TEX36: variants seen among roughly 807,000 people sequenced by gnomAD.
TEX36 encodes the protein testis expressed 36.
Under a neutral mutation model 13.6 loss-of-function variants are expected in TEX36, and 12 were observed. The observed-to-expected ratio is 0.88, with a 90% CI of 0.56 to 1.43. TEX36 has a LOEUF of 1.43. Ranked by LOEUF, TEX36 falls within the 40% of genes most tolerant of loss-of-function variation. The pLI, the probability that TEX36 is intolerant of heterozygous loss-of-function variation, is 0.00. For synonymous variants in TEX36, 93 were observed against 83.0 expected (o/e 1.12, Z -0.65); for missense variants, 224 against 228.3 (o/e 0.98, Z 0.12).
chr10:125,578,677 C>T (rs1177087002), intron 3 of TEX36, among the ~76,000 whole-genome samples: 1 of 152,150 alleles, frequency 6.6e-6, no homozygotes, highest in Non-Finnish European at 1.5e-5. Context: ...CATTCTGTGG[C>T]TCTACCTCTA....
intron 2 of TEX36, among the ~76,000 whole-genome samples, chr10:125,661,444 GCCAGTAAGGGTC>G (rs945618891): frequency 6.6e-6 from 1 of 152,174 alleles, no homozygotes; most frequent in African/African-American, 2.4e-5. Context: ...CTGTCATCTG[GCCAGTAAGGGTC>G]CCAGGAGATG....
At chr10:125,581,574 A>G (rs2043356) in intron 3 of TEX36, among the ~76,000 whole-genome samples, 104,821 of 152,004 alleles carry the variant, frequency 0.69, 37,568 homozygotes, top group African/African-American at 0.88. Flanking sequence ...TACTTCTCTC[A>G]GAGTCAGCTT....
chr10:125,613,603 C>T (rs1589754937), intron 3 of TEX36, among the ~76,000 whole-genome samples: 1 of 151,992 alleles, frequency 6.6e-6, no homozygotes, highest in Non-Finnish European at 1.5e-5. Context: ...CTACAAAGGA[C>T]ATGAACTCAT....
In TEX36 at chr10:125,650,383, G is replaced by A. The variant is rs546383080; in HGVS notation, c.264+10638C>T. On this transcript the variant is annotated intron_variant, in intron 3 of 3. Coordinates refer to the TEX36 transcript ENST00000526819. The stretch of plus-strand genomic sequence containing the variant: ...CAACTACATGGAACCTGAACAACCT[G>A]CTCCTGAATGACTACTGGGTACATA... 4.6e-5 allele frequency among the ~76,000 whole-genome samples: 7 copies of A among 152,268 alleles called. No homozygotes were observed. In the East Asian group the frequency reaches 1.4e-3, roughly 29 times the overall value.
intron 3 of TEX36, among the ~76,000 whole-genome samples, chr10:125,660,268 G>A (rs1416342600): frequency 1.3e-5 from 2 of 152,000 alleles, no homozygotes; most frequent in Non-Finnish European, 2.9e-5. Context: ...GGGACAACAG[G>A]CATGCACCAC....
At chr10:125,604,190 T>C (rs955154377) in intron 3 of TEX36, among the ~76,000 whole-genome samples, 1 of 152,144 alleles carries the variant, frequency 6.6e-6, no homozygotes, top group African/African-American at 2.4e-5. Context: ...GGTGGCCTGT[T>C]AGGAACCAGG....
downstream of TEX36, among the ~76,000 whole-genome samples, chr10:125,651,349 A>C (rs907225860): frequency 4.6e-5 from 7 of 152,342 alleles, no homozygotes; most frequent in East Asian, 1.3e-3. Flanking sequence ...AACATATACA[A>C]ATCAATAAAC....
At chr10:125,679,136 G>GCC (rs1430923271) in intron 1 of TEX36, among the ~76,000 whole-genome samples, 12 of 133,460 alleles carry the variant, frequency 9.0e-5, no homozygotes, top group African/African-American at 3.0e-4. Context: ...GGCTACAGGA[G>GCC]CACCCCCCCC....
At chr10:125,653,587 G>A (rs1474722816), downstream of TEX36, among the ~76,000 whole-genome samples, 2 of 151,988 alleles carry the variant, frequency 1.3e-5, no homozygotes, top group Non-Finnish European at 2.9e-5. Flanking sequence ...GCATACATAT[G>A]TAACAAACCT....
At chr10:125,613,887 T>A (rs952723053) in intron 3 of TEX36, among the ~76,000 whole-genome samples, 8 of 152,216 alleles carry the variant, frequency 5.3e-5, no homozygotes, top group Non-Finnish European at 7.3e-5. Context: ...ACTAGTTTAC[T>A]GTCCCACCAA....
At chr10:125,647,861 G>A (rs550298501) in intron 3 of TEX36, among the ~76,000 whole-genome samples, 280 of 152,328 alleles carry the variant, frequency 1.8e-3, no homozygotes, top group Non-Finnish European at 2.7e-3. Context: ...ATTATATCCC[G>A]CGCCTGGCTC....
At chr10:125,661,787 G>T (rs1022302131) in intron 2 of TEX36, 59 bp downstream of exon 2, 2 of 1,539,604 alleles carry the variant, frequency 1.3e-6, no homozygotes, top group African/African-American at 2.8e-5. Flanking sequence ...CGTGCCAGCG[G>T]CGCTGCCCCC....
intron 3 of TEX36, among the ~76,000 whole-genome samples, chr10:125,641,885 G>A (rs1846698001): frequency 6.6e-6 from 1 of 152,208 alleles, no homozygotes; most frequent in African/African-American, 2.4e-5. Context: ...AGAATTGTGA[G>A]GTGGTTGGAC....
chr10:125,592,125 C>G (rs185653131), intron 3 of TEX36, among the ~76,000 whole-genome samples: 3 of 152,236 alleles, frequency 2.0e-5, no homozygotes, highest in Non-Finnish European at 1.5e-5. Context: ...TGTTTGAGCA[C>G]TGGTTTATTT....
At chr10:125,605,314 A>G (rs1329177178) in intron 3 of TEX36, among the ~76,000 whole-genome samples, 1 of 150,300 alleles carries the variant, frequency 6.7e-6, no homozygotes, top group African/African-American at 2.5e-5. Context: ...CAATGTGGTC[A>G]GTTATTCTCC....
intron 3 of TEX36, among the ~76,000 whole-genome samples, chr10:125,636,404 C>T (rs919659090): frequency 6.0e-5 from 9 of 149,384 alleles, no homozygotes; most frequent in Non-Finnish European, 1.0e-4. Flanking sequence ...TTAGTAGAGG[C>T]GGGGTTTCAC....
At chr10:125,672,813 A>G (rs1261406903) in intron 1 of TEX36, among the ~76,000 whole-genome samples, 2 of 152,150 alleles carry the variant, frequency 1.3e-5, no homozygotes, top group Admixed American at 6.5e-5. Context: ...GTGCTCCTAT[A>G]TTGGGTGCAT....
intron 3 of TEX36, among the ~76,000 whole-genome samples, chr10:125,604,084 A>T (rs1157513930): frequency 1.3e-5 from 2 of 152,088 alleles, no homozygotes; most frequent in Non-Finnish European, 2.9e-5. Context: ...TAAGTCGGGG[A>T]GGAGTCCTCA....
At chr10:125,649,002 T>C (rs1405103476) in intron 3 of TEX36, among the ~76,000 whole-genome samples, 2 of 152,136 alleles carry the variant, frequency 1.3e-5, no homozygotes, top group African/African-American at 4.8e-5. Context: ...AATATGGGAC[T>C]ATGTGAAAAG....
Sources: allele counts gnomAD v4.1 joint callset (sites outside exome capture counted in the v4.1 genomes callset), GRCh38; gene constraint gnomAD v4.1.1; transcripts MANE v1.5; gene names NCBI Gene and HGNC (gene_info 2026-07-23, HGNC 2026-07-21).